CLYBL: variants seen among roughly 807,000 people sequenced by gnomAD.
CLYBL encodes citramalyl-CoA lyase, also known as citramalyl-CoA lyase, mitochondrial.
In CLYBL, 31 loss-of-function variants were observed where a neutral mutation model predicts 38.9. The observed-to-expected ratio is 0.80, with a 90% CI of 0.60 to 1.08. CLYBL has a LOEUF of 1.08. Among genes scored for constraint, CLYBL ranks in the 50% least tolerant of loss-of-function variants. The pLI is 0.00. For synonymous variants in CLYBL, 171 were observed against 158.6 expected (o/e 1.08, Z -0.59); for missense variants, 434 against 411.6 (o/e 1.05, Z -0.47).
chr13:99,670,258 G>A (rs1321947152), intron 1 of CLYBL, among the ~76,000 whole-genome samples: 2 of 152,174 alleles, frequency 1.3e-5, no homozygotes, highest in African/African-American at 4.8e-5. Context: ...TTGGGAGACT[G>A]AGGTGGGAGG....
At chr13:99,746,863 G>T (rs1159769778) in intron 1 of CLYBL, among the ~76,000 whole-genome samples, 1 of 152,152 alleles carries the variant, frequency 6.6e-6, no homozygotes, top group Non-Finnish European at 1.5e-5. Flanking sequence ...AGTTCTCAGC[G>T]ACATTAACAG....
intron 2 of CLYBL, among the ~76,000 whole-genome samples, chr13:99,811,901 T>C (rs1393085728): frequency 5.3e-5 from 8 of 152,218 alleles, no homozygotes; most frequent in Non-Finnish European, 8.8e-5. Flanking sequence ...AAAACCACCC[T>C]TCTTATTGAT....
intron 1 of CLYBL, among the ~76,000 whole-genome samples, chr13:99,716,169 A>AGTTTTTTT (rs1361639397): frequency 2.1e-4 from 7 of 33,464 alleles, no homozygotes; most frequent in African/African-American, 6.9e-4. Flanking sequence ...TATTGGTGTA[A>AGTTTTTTT]TTTTTTTTTT....
At chr13:99,614,774 G>T (rs540345805) in intron 1 of CLYBL, among the ~76,000 whole-genome samples, 12 of 152,166 alleles carry the variant, frequency 7.9e-5, no homozygotes, top group South Asian at 2.1e-4. Context: ...AAGGAGTCAG[G>T]GGGGGAGGCC....
At chr13:99,878,108 C>T (rs1475625289) in intron 7 of CLYBL, among the ~76,000 whole-genome samples, 3 of 152,100 alleles carry the variant, frequency 2.0e-5, no homozygotes, top group Admixed American at 6.6e-5. Context: ...ATTTAGCTAA[C>T]TGGTTTCCAA....
At chr13:99,608,847 CTTTTTTT>C (rs57961216) in intron 1 of CLYBL, among the ~76,000 whole-genome samples, 141 of 87,820 alleles carry the variant, frequency 1.6e-3, no homozygotes, top group East Asian at 8.1e-3. Context: ...AGTGATGAGT[CTTTTTTT>C]TTTTTTTTTT....
At chr13:99,642,390 A>T (rs2047108477) in intron 1 of CLYBL, among the ~76,000 whole-genome samples, 1 of 151,070 alleles carries the variant, frequency 6.6e-6, no homozygotes, top group Non-Finnish European at 1.5e-5. Flanking sequence ...GTATTGGCTC[A>T]TTTCTATTTT....
At chr13:99,862,944 T>G in intron 3 of CLYBL, 47 bp from the exon 4 acceptor site, 1 of 1,082,574 alleles carries the variant, frequency 9.2e-7, no homozygotes, top group Non-Finnish European at 1.4e-6. Flanking sequence ...ATTTCCGTGA[T>G]TGTACATTTT....
At chr13:99,907,976 G>A (rs2052713711) in intron 9 of CLYBL, among the ~76,000 whole-genome samples, 1 of 152,190 alleles carries the variant, frequency 6.6e-6, no homozygotes. Flanking sequence ...CGGGGAGGAC[G>A]GTCAGGCTGT....
At chr13:99,637,407 T>C (rs955251447) in intron 1 of CLYBL, among the ~76,000 whole-genome samples, 4 of 152,234 alleles carry the variant, frequency 2.6e-5, no homozygotes, top group Admixed American at 6.5e-5. Context: ...GCATATTGCA[T>C]ATTCCCTGTC....
intron 7 of CLYBL, among the ~76,000 whole-genome samples, chr13:99,874,128 G>T (rs1174523272): frequency 6.6e-6 from 1 of 152,122 alleles, no homozygotes; most frequent in Non-Finnish European, 1.5e-5. Context: ...GGGACTCTAG[G>T]TTATCTTATC....
At chr13:99,715,933 C>T (rs1013182827) in intron 1 of CLYBL, among the ~76,000 whole-genome samples, 2 of 152,082 alleles carry the variant, frequency 1.3e-5, no homozygotes, top group Non-Finnish European at 2.9e-5. Flanking sequence ...TTATACTCCT[C>T]CCCTCTTCAT....
chr13:99,630,682 C>T (rs2046930945), intron 1 of CLYBL, among the ~76,000 whole-genome samples: 1 of 152,168 alleles, frequency 6.6e-6, no homozygotes, highest in African/African-American at 2.4e-5. Context: ...CCCTCTTGTT[C>T]CCATTTGCCC....
chr13:99,905,464 C>G (rs1330604026), intron 9 of CLYBL, among the ~76,000 whole-genome samples: 4 of 152,286 alleles, frequency 2.6e-5, no homozygotes, highest in African/African-American at 9.6e-5. Flanking sequence ...TGAAGCCGCC[C>G]TAGGGCCCTT....
At chr13:99,783,370 T>C (rs2049703078) in intron 2 of CLYBL, among the ~76,000 whole-genome samples, 1 of 151,994 alleles carries the variant, frequency 6.6e-6, no homozygotes, top group Non-Finnish European at 1.5e-5. Context: ...ATTTTAATTA[T>C]TATATTTGTT....
intron 1 of CLYBL, among the ~76,000 whole-genome samples, chr13:99,652,102 T>C (rs1364778618): frequency 6.6e-6 from 1 of 152,158 alleles, no homozygotes; most frequent in Non-Finnish European, 1.5e-5. Flanking sequence ...ACGAGAACAG[T>C]GTGCTGCCAG....
intron 7 of CLYBL, among the ~76,000 whole-genome samples, chr13:99,872,445 C>G (rs1222989058): frequency 6.6e-6 from 1 of 152,154 alleles, no homozygotes; most frequent in African/African-American, 2.4e-5. Context: ...ATCTATTCAC[C>G]TAGAACGAAG....
intron 1 of CLYBL, among the ~76,000 whole-genome samples, chr13:99,695,868 C>G (rs2047972360): frequency 6.6e-6 from 1 of 152,152 alleles, no homozygotes; most frequent in Non-Finnish European, 1.5e-5. Flanking sequence ...ACATGAGGGT[C>G]TTCAGGGGAG....
downstream of CLYBL, among the ~76,000 whole-genome samples, chr13:99,899,426 C>T (rs1057145033): frequency 1.3e-5 from 2 of 152,182 alleles, no homozygotes. Context: ...TCTGTCTGAG[C>T]ATCTGCTTCT....
Sources: gnomAD v4.1 joint callset for allele counts (sites outside exome capture counted in the v4.1 genomes callset) on GRCh38, gnomAD v4.1.1 for gene constraint, MANE v1.5 for transcripts, NCBI Gene and HGNC (gene_info 2026-07-23, HGNC 2026-07-21) for gene names.